The following PRKCE variants were observed in gnomAD, a reference collection of about 807,000 sequenced individuals.
PRKCE encodes the protein protein kinase C epsilon type.
PRKCE carries 16 observed loss-of-function variants against 85.4 expected under a neutral mutation model. The ratio of observed to expected loss-of-function variants is 0.19; its 90% confidence interval spans 0.13 to 0.28. The LOEUF (loss-of-function observed/expected upper bound fraction) is 0.28, where lower values mean the gene tolerates loss of function less well. Ranked by LOEUF, PRKCE falls within the 10% of genes least tolerant of loss-of-function variation. PRKCE has a pLI of 1.00. For missense variants in PRKCE, 573 were observed against 975.2 expected (o/e 0.59, Z 5.49); for synonymous variants, 388 against 371.5 (o/e 1.04, Z -0.51).
chr2:46,076,836 G>A (rs1668598522), intron 10 of PRKCE, among the ~76,000 whole-genome samples: 1 of 152,086 alleles, frequency 6.6e-6, no homozygotes, highest in African/African-American at 2.4e-5. Flanking sequence ...AAGAAATTTG[G>A]AACAATGTGA....
At chr2:45,771,053 C>G (rs1015875784) in intron 1 of PRKCE, among the ~76,000 whole-genome samples, 2 of 152,130 alleles carry the variant, frequency 1.3e-5, no homozygotes, top group Non-Finnish European at 2.9e-5. Flanking sequence ...GTTGACTAAT[C>G]AGTGGATCCC....
At chr2:45,888,823 A>G (rs755013321) in intron 2 of PRKCE, among the ~76,000 whole-genome samples, 1 of 152,128 alleles carries the variant, frequency 6.6e-6, no homozygotes, top group Non-Finnish European at 1.5e-5. Context: ...CAGGGAGTTA[A>G]CCTTTTCAAT....
intron 11 of PRKCE, among the ~76,000 whole-genome samples, chr2:46,127,734 T>A (rs1674001703): frequency 6.6e-6 from 1 of 152,212 alleles, no homozygotes; most frequent in Non-Finnish European, 1.5e-5. Context: ...ACTTGGGAGT[T>A]TGGTCAGAGT....
At chr2:46,011,502 G>A (rs980251050) in intron 10 of PRKCE, among the ~76,000 whole-genome samples, 2 of 152,114 alleles carry the variant, frequency 1.3e-5, no homozygotes, top group Non-Finnish European at 2.9e-5. Flanking sequence ...TGGTGAACTA[G>A]ACTAGTCCCT....
chr2:45,858,228 C>CT (rs1477357925), intron 2 of PRKCE, among the ~76,000 whole-genome samples: 1 of 152,238 alleles, frequency 6.6e-6, no homozygotes, highest in Non-Finnish European at 1.5e-5. Flanking sequence ...CAACTAGAAA[C>CT]ACCTGGCTCT....
chr2:45,958,804 A>G (rs1306727392), intron 2 of PRKCE, among the ~76,000 whole-genome samples: 1 of 21,386 alleles, frequency 4.7e-5, no homozygotes, highest in African/African-American at 2.0e-4. Context: ...ATATATATAT[A>G]TATATATATA....
chr2:45,968,314 T>C (rs950168316), intron 2 of PRKCE, among the ~76,000 whole-genome samples: 3 of 152,366 alleles, frequency 2.0e-5, no homozygotes, highest in South Asian at 2.1e-4. Flanking sequence ...TAATGTCTTA[T>C]GTAGCAACTT....
At chr2:45,720,452 A>ACT (rs1369438917) in intron 1 of PRKCE, among the ~76,000 whole-genome samples, 1 of 152,116 alleles carries the variant, frequency 6.6e-6, no homozygotes, top group Non-Finnish European at 1.5e-5. Context: ...ATGCAGCCTC[A>ACT]CAATACTGAA....
intron 13 of PRKCE, among the ~76,000 whole-genome samples, chr2:46,156,059 GA>G (rs35235256): frequency 0.72 from 100,052 of 138,536 alleles, 36,578 homozygotes; most frequent in East Asian, 0.93. Context: ...TTGTTACGTG[GA>G]AAAAAAAAAA....
chr2:45,898,723 A>C (rs1362982289), intron 2 of PRKCE, among the ~76,000 whole-genome samples: 1 of 152,122 alleles, frequency 6.6e-6, no homozygotes, highest in African/African-American at 2.4e-5. Flanking sequence ...GAAATAGAGG[A>C]GTAGAGAGAG....
At chr2:45,961,731 T>C (rs909437402) in intron 2 of PRKCE, among the ~76,000 whole-genome samples, 2 of 152,060 alleles carry the variant, frequency 1.3e-5, no homozygotes, top group African/African-American at 4.8e-5. Flanking sequence ...GTTTCACTTT[T>C]GTTGTCCGGG....
At chr2:46,144,193 C>A (rs916180768) in intron 11 of PRKCE, among the ~76,000 whole-genome samples, 1 of 152,190 alleles carries the variant, frequency 6.6e-6, no homozygotes, top group Non-Finnish European at 1.5e-5. Context: ...ATGGCTCTTG[C>A]TTGCTGCACA....
chr2:45,769,186 A>G (rs182794249), intron 1 of PRKCE, among the ~76,000 whole-genome samples: 3 of 152,120 alleles, frequency 2.0e-5, no homozygotes, highest in African/African-American at 7.2e-5. Context: ...GTGAGACCCA[A>G]CTGTTTCATT....
At chr2:46,012,274 A>ATC (rs1010241564) in intron 10 of PRKCE, among the ~76,000 whole-genome samples, 6 of 150,164 alleles carry the variant, frequency 4.0e-5, no homozygotes, top group Non-Finnish European at 8.9e-5. Context: ...ATCTTTCTTT[A>ATC]TCTCTCTCTC....
intron 2 of PRKCE, among the ~76,000 whole-genome samples, chr2:45,844,404 G>T (rs1443910987): frequency 6.6e-6 from 1 of 152,174 alleles, no homozygotes; most frequent in Non-Finnish European, 1.5e-5. Flanking sequence ...AGAACCTGTT[G>T]TAGAAGATTT....
intron 2 of PRKCE, among the ~76,000 whole-genome samples, chr2:45,938,992 T>A (rs1389332320): frequency 6.6e-6 from 1 of 152,194 alleles, no homozygotes; most frequent in Non-Finnish European, 1.5e-5. Flanking sequence ...CGCAGTAGGC[T>A]AATTCCACGC....
chr2:45,687,812 A>T (rs1478152122), intron 1 of PRKCE, among the ~76,000 whole-genome samples: 1 of 152,234 alleles, frequency 6.6e-6, no homozygotes, highest in Non-Finnish European at 1.5e-5. Flanking sequence ...GGAGAGTCCT[A>T]ATTATAAGGT....
chr2:46,120,020 A>T (rs1336609713), intron 11 of PRKCE, among the ~76,000 whole-genome samples: 1 of 152,058 alleles, frequency 6.6e-6, no homozygotes, highest in African/African-American at 2.4e-5. Context: ...TTTGTCTGTT[A>T]AGCCCTGGGG....
intron 6 of PRKCE, among the ~76,000 whole-genome samples, chr2:45,995,863 C>T (rs930719766): frequency 1.3e-5 from 2 of 152,254 alleles, no homozygotes; most frequent in African/African-American, 4.8e-5. Flanking sequence ...TTTTGCCTCT[C>T]CATATAAACT....
Sources: gnomAD v4.1 joint callset for allele counts (sites outside exome capture counted in the v4.1 genomes callset) on GRCh38, gnomAD v4.1.1 for gene constraint, MANE v1.5 for transcripts, NCBI Gene and HGNC (gene_info 2026-07-23, HGNC 2026-07-21) for gene names.